CTNNAL1: variants seen among roughly 807,000 people sequenced by gnomAD.
The protein encoded by CTNNAL1 is catenin alpha like 1.
CTNNAL1 carries 69 observed loss-of-function variants against 93.6 expected under a neutral mutation model. The ratio of observed to expected loss-of-function variants is 0.74; its 90% CI spans 0.61 to 0.90. The LOEUF is 0.90. CTNNAL1 is among the 40% of genes least tolerant of loss of function. The pLI is 0.00. For missense variants in CTNNAL1, 836 were observed against 862.0 expected (o/e 0.97, Z 0.38); for synonymous variants, 286 against 305.4 (o/e 0.94, Z 0.66).
At chr9:109,001,172 CAAAAAAAAAAAA>C (rs757020475) in intron 1 of CTNNAL1, among the ~76,000 whole-genome samples, 2 of 56,800 alleles carry the variant, frequency 3.5e-5, no homozygotes, top group African/African-American at 1.5e-4. Flanking sequence ...ACTCCATCTC[CAAAAAAAAAAAA>C]AAAAAAAAAG....
At chr9:108,990,560 T>C (rs551753626) in intron 4 of CTNNAL1, among the ~76,000 whole-genome samples, 166 bp downstream of exon 4, 15 of 152,196 alleles carry the variant, frequency 9.9e-5, no homozygotes, top group African/African-American at 3.6e-4. Flanking sequence ...AAAAGACATA[T>C]AGATCTACTT....
intron 8 of CTNNAL1, among the ~76,000 whole-genome samples, chr9:108,975,121 C>G (rs930574341): frequency 6.6e-6 from 1 of 152,000 alleles, no homozygotes; most frequent in African/African-American, 2.4e-5. Flanking sequence ...CAAGATCACG[C>G]CACTGCACTC....
intron 2 of CTNNAL1, among the ~76,000 whole-genome samples, chr9:108,993,488 C>T (rs914815555): frequency 1.6e-4 from 25 of 152,218 alleles, no homozygotes; most frequent in South Asian, 2.1e-4. Flanking sequence ...GGCTGGCCCT[C>T]ATTTAGGCTA....
intron 8 of CTNNAL1, among the ~76,000 whole-genome samples, 163 bp from the exon 9 acceptor site, chr9:108,972,996 G>A (rs1831161589): frequency 6.6e-6 from 1 of 152,188 alleles, no homozygotes; most frequent in Admixed American, 6.5e-5. Flanking sequence ...TTCCACTGAG[G>A]GGAGGGTGTA....
intron 12 of CTNNAL1, among the ~76,000 whole-genome samples, chr9:108,954,428 T>G (rs1254514793): frequency 6.6e-6 from 1 of 152,244 alleles, no homozygotes; most frequent in Non-Finnish European, 1.5e-5. Context: ...TTCAACCTGT[T>G]AAAAGCTTTG....
chr9:108,945,904 C>T (rs911887834), intron 15 of CTNNAL1, among the ~76,000 whole-genome samples: 1 of 152,098 alleles, frequency 6.6e-6, no homozygotes, highest in Non-Finnish European at 1.5e-5. Context: ...ACAAAATGCT[C>T]GATTTCCACC....
intron 14 of CTNNAL1, 84 bp downstream of exon 14, chr9:108,952,125 T>C (rs1269855766): frequency 1.7e-6 from 2 of 1,182,832 alleles, no homozygotes; most frequent in Non-Finnish European, 2.3e-6. Flanking sequence ...GACTTTAACC[T>C]GTCAATGATT....
chr9:109,003,612 T>A (rs1369094081), intron 1 of CTNNAL1, among the ~76,000 whole-genome samples: 1 of 152,208 alleles, frequency 6.6e-6, no homozygotes, highest in African/African-American at 2.4e-5. Flanking sequence ...TGGCTCCTAT[T>A]TTTTTTCCAT....
At chr9:108,968,165 C>A (rs1831012298) in intron 10 of CTNNAL1, among the ~76,000 whole-genome samples, 1 of 152,232 alleles carries the variant, frequency 6.6e-6, no homozygotes, top group South Asian at 2.1e-4. Flanking sequence ...AACTGTTCAA[C>A]TGTTCCCTCA....
chr9:108,963,378 G>A (rs1830870766), intron 11 of CTNNAL1: 1 of 152,242 alleles, frequency 6.6e-6, no homozygotes, highest in African/African-American at 2.4e-5. Flanking sequence ...TTCAGATGAT[G>A]ATGAACTCAC....
At chr9:108,961,689 A>G (rs1386510519) in intron 11 of CTNNAL1, among the ~76,000 whole-genome samples, 1 of 152,346 alleles carries the variant, frequency 6.6e-6, no homozygotes, top group East Asian at 1.9e-4. Context: ...AAACAGGCAT[A>G]GGATGTGCAA....
chr9:108,942,671 T>G lies in CTNNAL1; in HGVS notation c.*98A>C, dbSNP rs1468191353. The stretch of plus-strand genomic sequence containing the variant: ...CAAAATTTCAATATTGTTTTCTTTA[T>G]AAAATTGATGAATTTCTGAAAAGAT... On this transcript the variant is annotated 3_prime_UTR_variant, in exon 19 of 19. Transcript: ENST00000325551. The G allele has an allele frequency of 2.9e-5, 25 of 873,504 alleles. No individual in the cohort carries two copies. The highest frequency in any genetic ancestry group is 4.5e-5 in the Non-Finnish European group (25 of 549,942). 54.1% of individuals were successfully genotyped at this position (873,504 alleles called of 1,614,324 possible). A position where few individuals can be genotyped will look rare whatever the true frequency, so the allele number is the denominator to read the frequency against.
chr9:108,972,953 T>G, intron 8 of CTNNAL1, 120 bp from the exon 9 acceptor site: 1 of 1,229,874 alleles, frequency 8.1e-7, no homozygotes, highest in Non-Finnish European at 1.1e-6. Flanking sequence ...TAAAAACTAT[T>G]AATAAAGAGA....
intron 3 of CTNNAL1, chr9:108,991,951 G>A (rs1831822074): frequency 1.5e-6 from 1 of 678,496 alleles, no homozygotes; most frequent in South Asian, 1.6e-5. Context: ...AATCTGTTCT[G>A]TAAGTTTTGA....
At chr9:108,969,031 GGAGGCC>G (rs1226643158) in intron 10 of CTNNAL1, among the ~76,000 whole-genome samples, 2 of 152,130 alleles carry the variant, frequency 1.3e-5, no homozygotes, top group Admixed American at 6.5e-5. Flanking sequence ...CAGCACTTTG[GGAGGCC>G]GAGGCGGGGG....
intron 8 of CTNNAL1, 23 bp from the exon 9 acceptor site, chr9:108,972,856 G>C (rs751710919): frequency 5.2e-6 from 3 of 576,872 alleles, no homozygotes; most frequent in Non-Finnish European, 8.3e-6. Context: ...GTGTGGGTGG[G>C]GGGGTGGGAG....
chr9:108,958,733 C>CT (rs1295596305), intron 11 of CTNNAL1, among the ~76,000 whole-genome samples: 4,882 of 147,932 alleles, frequency 0.033, 118 homozygotes, highest in Admixed American at 0.077. Flanking sequence ...TTTCCCACTT[C>CT]TTTTTTTTTT....
intron 11 of CTNNAL1, among the ~76,000 whole-genome samples, chr9:108,961,334 T>C (rs899248366): frequency 6.6e-6 from 1 of 152,202 alleles, no homozygotes; most frequent in African/African-American, 2.4e-5. Context: ...TCAGTCAGAA[T>C]GGTTAACCCA....
chr9:108,983,077 C>CA, intron 6 of CTNNAL1, 68 bp downstream of exon 6: 1 of 1,234,658 alleles, frequency 8.1e-7, no homozygotes, highest in East Asian at 3.3e-5. Context: ...GACTCCATCT[C>CA]AAAAAATTAA....
Sources: allele counts gnomAD v4.1 joint callset (sites outside exome capture counted in the v4.1 genomes callset), GRCh38; gene constraint gnomAD v4.1.1; transcripts MANE v1.5; gene names NCBI Gene and HGNC (gene_info 2026-07-23, HGNC 2026-07-21).